Variants in DLG2 observed in about 807,000 individuals in gnomAD.
The protein encoded by DLG2 is discs large MAGUK scaffold protein 2.
DLG2 carries 45 observed loss-of-function variants against 132.5 expected under a neutral mutation model. That is an observed-to-expected ratio of 0.34 (90% CI 0.27 to 0.44). DLG2 has a LOEUF of 0.44. Ranked by LOEUF, DLG2 falls within the 20% of genes least tolerant of loss-of-function variation. The pLI, the probability that DLG2 is intolerant of heterozygous loss-of-function variation, is 1.00. For missense variants in DLG2, 1,045 were observed against 1,196.9 expected (o/e 0.87, Z 1.87); for synonymous variants, 424 against 419.6 (o/e 1.01, Z -0.13).
At chr11:84,013,332 T>C (rs1205951640) in intron 11 of DLG2, among the ~76,000 whole-genome samples, 2 of 152,108 alleles carry the variant, frequency 1.3e-5, no homozygotes, top group African/African-American at 4.8e-5. Flanking sequence ...TCCTAGTACC[T>C]ACTATGGGCT....
intron 7 of DLG2, among the ~76,000 whole-genome samples, chr11:84,480,323 G>C (rs555292372): frequency 6.6e-6 from 1 of 152,242 alleles, no homozygotes; most frequent in South Asian, 2.1e-4. Flanking sequence ...GTGTCAGTAT[G>C]TATGGAGCTG....
intron 25 of DLG2, among the ~76,000 whole-genome samples, chr11:83,467,330 G>A (rs879518165): frequency 6.6e-6 from 1 of 152,144 alleles, no homozygotes; most frequent in African/African-American, 2.4e-5. Flanking sequence ...ACACCTCATT[G>A]TCTCACCCTG....
intron 6 of DLG2, among the ~76,000 whole-genome samples, chr11:84,944,883 G>A (rs1049577073): frequency 5.9e-5 from 9 of 152,288 alleles, no homozygotes; most frequent in Middle Eastern, 3.4e-3. Context: ...GATTACCGGC[G>A]TGAGCCATCG....
chr11:84,807,862 A>T (rs1042683006), intron 6 of DLG2, among the ~76,000 whole-genome samples: 3 of 152,206 alleles, frequency 2.0e-5, no homozygotes, highest in African/African-American at 7.2e-5. Context: ...CAAAAGCAAT[A>T]GAACTAAAAG....
chr11:84,609,415 C>T (rs183420844), intron 6 of DLG2, among the ~76,000 whole-genome samples: 2 of 152,044 alleles, frequency 1.3e-5, no homozygotes, highest in African/African-American at 2.4e-5. Context: ...ACTATCTTGT[C>T]TCAGAGTTAC....
At chr11:84,410,914 T>C (rs1361931299) in intron 7 of DLG2, among the ~76,000 whole-genome samples, 2 of 152,196 alleles carry the variant, frequency 1.3e-5, no homozygotes, top group East Asian at 3.8e-4. Context: ...ATGGATCTTA[T>C]GTTAATGTTA....
At chr11:85,426,345 A>G (rs1451435905) in intron 3 of DLG2, among the ~76,000 whole-genome samples, 1 of 152,088 alleles carries the variant, frequency 6.6e-6, no homozygotes, top group Non-Finnish European at 1.5e-5. Flanking sequence ...TGGGTCCCTG[A>G]CCCCTGAGTA....
At chr11:85,088,755 A>G (rs1593971004) in intron 6 of DLG2, among the ~76,000 whole-genome samples, 1 of 152,320 alleles carries the variant, frequency 6.6e-6, no homozygotes, top group East Asian at 1.9e-4. Flanking sequence ...AGAAAAATCA[A>G]AATAGAAGCC....
chr11:85,424,193 T>A (rs158088), intron 3 of DLG2, among the ~76,000 whole-genome samples: 20 of 152,060 alleles, frequency 1.3e-4, no homozygotes, highest in South Asian at 8.3e-4. Context: ...TTTCCCTAGC[T>A]GGGGGGTGTG....
chr11:84,803,541 A>G (rs2153962382), intron 6 of DLG2, among the ~76,000 whole-genome samples: 1 of 152,318 alleles, frequency 6.6e-6, no homozygotes, highest in East Asian at 1.9e-4. Flanking sequence ...GCAGGCAGTG[A>G]TTTAGACTCA....
chr11:84,581,229 T>A (rs771089320), intron 6 of DLG2, among the ~76,000 whole-genome samples: 3 of 152,216 alleles, frequency 2.0e-5, no homozygotes, highest in Non-Finnish European at 4.4e-5. Context: ...ACCTATGATA[T>A]AAATTATGAC....
chr11:84,737,580 G>C (rs769478772), intron 6 of DLG2, among the ~76,000 whole-genome samples: 1 of 151,640 alleles, frequency 6.6e-6, no homozygotes, highest in Non-Finnish European at 1.5e-5. Context: ...AAGTATTTAA[G>C]CAGGAGTGGG....
At chr11:83,689,978 TA>T (rs1346529322) in intron 18 of DLG2, among the ~76,000 whole-genome samples, 1 of 141,440 alleles carries the variant, frequency 7.1e-6, no homozygotes, top group African/African-American at 2.7e-5. Flanking sequence ...ATTTATATTA[TA>T]ATATATTTAT....
Position 85,500,890 on chromosome 11 carries a change from A to C in DLG2, c.40+97767T>G, listed in dbSNP as rs1235828225. Among the ~76,000 whole-genome samples the C allele has an allele frequency of 2.6e-5, 4 of 152,360 alleles. No individual in the cohort carries two copies. The East Asian group carries it at 5.8e-4, about 22-fold the overall frequency. On this transcript the variant is annotated intron_variant, in intron 3 of 27. Transcript: ENST00000376104. ...TGCTATCCCCATCAAGTTACCACTG[A>C]CTTTCTTCACAGAATTGGAAAAAAA...
chr11:84,927,748 C>G (rs949769133), intron 6 of DLG2, among the ~76,000 whole-genome samples: 2 of 151,836 alleles, frequency 1.3e-5, no homozygotes, highest in South Asian at 4.2e-4. Context: ...TTATTTTAAC[C>G]ATTTAAAAAT....
intron 7 of DLG2, among the ~76,000 whole-genome samples, chr11:84,420,738 G>T (rs1205805376): frequency 7.8e-6 from 1 of 127,992 alleles, no homozygotes; most frequent in African/African-American, 3.0e-5. Flanking sequence ...GCGGGATCTC[G>T]GCTCACTGCA....
intron 17 of DLG2, chr11:83,791,155 A>T: frequency 4.7e-6 from 3 of 644,768 alleles, no homozygotes; most frequent in Non-Finnish European, 8.4e-6. Flanking sequence ...TTGTGGGTCG[A>T]AGAGGCCATG....
In DLG2 at chr11:84,242,482, T is replaced by G. The variant is rs184664699; in HGVS notation, c.573+8756A>C. On this transcript the variant is annotated intron_variant, in intron 8 of 27. Coordinates refer to ENST00000376104, the MANE Select transcript of DLG2 (RefSeq NM_001142699.3). ...GTGCAATGGCATGATCCCGGCTCAC[T>G]GCAACTGCTGCCTCCCAGGTTCAAC... is the stretch of plus-strand genomic sequence containing the variant. 7.4e-4 allele frequency among the ~76,000 whole-genome samples: 112 copies of G among 152,092 alleles called. 1 individual carries two copies. The East Asian group carries it at 0.02, about 27-fold the overall frequency.
chr11:83,615,503 C>A (rs1196463303), intron 19 of DLG2, among the ~76,000 whole-genome samples: 3 of 152,164 alleles, frequency 2.0e-5, no homozygotes, highest in African/African-American at 2.4e-5. Context: ...TCCCTGGAAT[C>A]TGTAATATGT....
Sources: allele counts gnomAD v4.1 joint callset (sites outside exome capture counted in the v4.1 genomes callset), GRCh38; gene constraint gnomAD v4.1.1; transcripts MANE v1.5; gene names NCBI Gene and HGNC (gene_info 2026-07-23, HGNC 2026-07-21).